The following NAALADL2 variants were observed in gnomAD, a reference collection of about 807,000 sequenced individuals.
NAALADL2 encodes inactive N-acetylated-alpha-linked acidic dipeptidase-like protein 2.
In NAALADL2, 76 loss-of-function variants were observed where a neutral mutation model predicts 87.2. The ratio of observed to expected loss-of-function variants is 0.87; its 90% confidence interval spans 0.72 to 1.05. The LOEUF (loss-of-function observed/expected upper bound fraction) is 1.05. NAALADL2 is among the 50% of genes least tolerant of loss of function. The probability of loss-of-function intolerance (pLI) is 0.00; values close to 1 mark genes in which losing one functional copy is unlikely to be tolerated. For synonymous variants in NAALADL2, 354 were observed against 331.0 expected (o/e 1.07, Z -0.75); for missense variants, 1,089 against 945.8 (o/e 1.15, Z -1.99).
At chr3:175,424,566 T>C (rs928697975) in intron 5 of NAALADL2, among the ~76,000 whole-genome samples, 2 of 152,122 alleles carry the variant, frequency 1.3e-5, no homozygotes, top group Non-Finnish European at 2.9e-5. Context: ...ATCATATAGT[T>C]CATATAGTTG....
chr3:174,565,397 A>T (rs1174794678), intron 2 of NAALADL2, among the ~76,000 whole-genome samples: 1 of 152,024 alleles, frequency 6.6e-6, no homozygotes, highest in Non-Finnish European at 1.5e-5. Context: ...TGCCTTTTCT[A>T]GAACATCATG....
intron 3 of NAALADL2, among the ~76,000 whole-genome samples, chr3:174,830,376 C>A (rs116117126): frequency 0.1 from 15,823 of 151,936 alleles, 958 homozygotes; most frequent in Middle Eastern, 0.15. Flanking sequence ...AACAGGGAAT[C>A]CTTCATTGCT....
At chr3:175,007,067 T>A (rs1749130289) in intron 1 of NAALADL2, among the ~76,000 whole-genome samples, 1 of 149,444 alleles carries the variant, frequency 6.7e-6, no homozygotes, top group Non-Finnish European at 1.5e-5. Flanking sequence ...AAGTAAATAA[T>A]CTATGAATGC....
chr3:175,446,693 A>G (rs1205325742), intron 5 of NAALADL2, among the ~76,000 whole-genome samples: 2 of 152,154 alleles, frequency 1.3e-5, no homozygotes, highest in Non-Finnish European at 2.9e-5. Context: ...CCATTTCACA[A>G]TCAGAATTTC....
At chr3:174,480,987 T>G (rs1367517864) in intron 1 of NAALADL2, among the ~76,000 whole-genome samples, 1 of 152,046 alleles carries the variant, frequency 6.6e-6, no homozygotes, top group South Asian at 2.1e-4. Flanking sequence ...ATAAGGACAC[T>G]AGAAGATGAT....
intron 13 of NAALADL2, among the ~76,000 whole-genome samples, chr3:175,778,830 C>T (rs916071489): frequency 2.0e-5 from 3 of 152,044 alleles, no homozygotes; most frequent in Admixed American, 6.6e-5. Context: ...GTAAGGGAGG[C>T]AAAATTTATT....
Position 175,097,064 on chromosome 3 carries a change from C to T in NAALADL2, c.318C>T (p.Tyr106=), listed in dbSNP as rs1338428457. The T allele has an allele frequency of 2.5e-6, 4 of 1,613,642 alleles. No homozygotes were observed. Among genetic ancestry groups the T allele is most frequent in the Non-Finnish European group, 2.5e-6 (3 of 1,179,746 alleles). Reference sequence around the variant, plus strand: ...AGAGACTTCAAGAAGAATCTGACTACATTACCCATTATACACGATCTGCAC... The same window carrying T: ...AGAGACTTCAAGAAGAATCTGACTATATTACCCATTATACACGATCTGCAC... ...RFQRLQEESD[Y]ITHYTRSAPK... The change falls in exon 2 of 14, where the codon TAC becomes TAT. Residue 106 remains tyrosine, a synonymous_variant. Coordinates refer to ENST00000454872, the MANE Select transcript of NAALADL2 (RefSeq NM_207015.3).
At chr3:174,861,386 A>G (rs1270284316) in intron 1 of NAALADL2, among the ~76,000 whole-genome samples, 1 of 152,066 alleles carries the variant, frequency 6.6e-6, no homozygotes, top group East Asian at 1.9e-4. Context: ...TGTCTGTGAT[A>G]CCCTGTCCAA....
At chr3:175,221,069 A>G (rs1743284817) in intron 2 of NAALADL2, among the ~76,000 whole-genome samples, 1 of 152,010 alleles carries the variant, frequency 6.6e-6, no homozygotes, top group Admixed American at 6.6e-5. Context: ...CATGATGGCG[A>G]GTGCCTGTAA....
intron 10 of NAALADL2, among the ~76,000 whole-genome samples, chr3:175,581,727 A>C (rs1322374711): frequency 1.3e-5 from 2 of 152,204 alleles, no homozygotes; most frequent in Non-Finnish European, 2.9e-5. Context: ...TGAAAAGGGC[A>C]TATAATGTTA....
intron 3 of NAALADL2, among the ~76,000 whole-genome samples, chr3:174,841,151 C>CT (rs1174219671): frequency 6.6e-6 from 1 of 151,768 alleles, no homozygotes. Context: ...ATAAACTATC[C>CT]TTTTTCTCAG....
At position 174,988,395 on chromosome 3, in the gene NAALADL2, C is replaced by T. The variant is rs141810110; in HGVS notation, c.44-108395C>T. ...AACAAATAGTGTTTCATAATCCTAA[C>T]GGTAACCATGTAATATAGATGTCAT... On this transcript the variant is annotated intron_variant, in intron 1 of 13. Transcript: ENST00000454872. Among the ~76,000 whole-genome samples, 443 of 152,260 alleles carry T rather than the reference C, an allele frequency of 2.9e-3. 1 individual carries two copies. The highest frequency in any genetic ancestry group is 4.6e-3 in the Non-Finnish European group (314 of 68,022).
intron 2 of NAALADL2, among the ~76,000 whole-genome samples, chr3:175,227,457 A>G (rs1267855556): frequency 1.9e-4 from 29 of 152,040 alleles, no homozygotes; most frequent in Admixed American, 1.9e-3. Flanking sequence ...AAAGTAAAGC[A>G]CAGTAAAACA....
chr3:175,266,995 T>C (rs1289163940), intron 4 of NAALADL2, among the ~76,000 whole-genome samples: 1 of 151,180 alleles, frequency 6.6e-6, no homozygotes, highest in African/African-American at 2.4e-5. Flanking sequence ...TTATAAATTT[T>C]AAAAGTTCAA....
At chr3:175,519,566 T>G (rs1320148735) in intron 9 of NAALADL2, among the ~76,000 whole-genome samples, 1 of 152,170 alleles carries the variant, frequency 6.6e-6, no homozygotes, top group African/African-American at 2.4e-5. Context: ...CAATATATAT[T>G]TATTGAGTTA....
chr3:175,309,741 T>C (rs947602158), intron 4 of NAALADL2, among the ~76,000 whole-genome samples: 1 of 152,072 alleles, frequency 6.6e-6, no homozygotes, highest in African/African-American at 2.4e-5. Context: ...AATTGATTAA[T>C]AATAAAATAA....
chr3:175,148,096 TAATA>T (rs2108765895), intron 2 of NAALADL2, among the ~76,000 whole-genome samples: 1 of 135,116 alleles, frequency 7.4e-6, no homozygotes, highest in African/African-American at 3.2e-5. Flanking sequence ...ATAATGATAA[TAATA>T]ATAATAATAA....
intron 11 of NAALADL2, among the ~76,000 whole-genome samples, chr3:175,706,427 CAAT>C (rs1283711580): frequency 1.3e-5 from 2 of 152,044 alleles, no homozygotes; most frequent in Non-Finnish European, 2.9e-5. Context: ...GCAATTCTAA[CAAT>C]AATAAAGTAA....
At chr3:174,909,424 C>T (rs559745581) in intron 1 of NAALADL2, among the ~76,000 whole-genome samples, 4 of 152,180 alleles carry the variant, frequency 2.6e-5, no homozygotes, top group Admixed American at 6.6e-5. Flanking sequence ...ACTCTATACA[C>T]ACCAGACACT....
Sources: gnomAD v4.1 joint callset for allele counts (sites outside exome capture counted in the v4.1 genomes callset) on GRCh38, gnomAD v4.1.1 for gene constraint, MANE v1.5 for transcripts, NCBI Gene and HGNC (gene_info 2026-07-23, HGNC 2026-07-21) for gene names.